Variants in RASSF9 observed in about 807,000 individuals in gnomAD.
RASSF9 encodes the protein Ras association domain family member 9.
A neutral mutation model predicts 21.4 loss-of-function variants in RASSF9; 18 were observed. That is an observed-to-expected ratio of 0.84 (90% CI 0.58 to 1.25). The LOEUF is 1.25. RASSF9 is among the 50% of genes most tolerant of loss of function. The pLI, the probability that RASSF9 is intolerant of heterozygous loss-of-function variation, is 0.00. For synonymous variants in RASSF9, 183 were observed against 179.1 expected, an observed-to-expected ratio of 1.02 and a Z score of -0.18; for missense variants, 480 against 503.2, an observed-to-expected ratio of 0.95 and a Z score of 0.44.
intron 1 of RASSF9, among the ~76,000 whole-genome samples, chr12:85,833,555 GTAAT>G (rs1880497932): frequency 6.6e-6 from 1 of 151,824 alleles, no homozygotes; most frequent in Non-Finnish European, 1.5e-5. Context: ...TCAATTTTGG[GTAAT>G]TAAATATCAC....
intron 1 of RASSF9, among the ~76,000 whole-genome samples, chr12:85,831,036 C>T (rs184742382): frequency 2.6e-5 from 4 of 152,156 alleles, no homozygotes; most frequent in African/African-American, 9.6e-5. Context: ...ATGCATGGTG[C>T]AGATATCATG....
intron 1 of RASSF9, among the ~76,000 whole-genome samples, chr12:85,833,805 A>T (rs73176583): frequency 0.056 from 8,498 of 152,078 alleles, 324 homozygotes; most frequent in Non-Finnish European, 0.079. Flanking sequence ...TTTACATTGT[A>T]CAATAAATTT....
chr12:85,816,848 C>G (rs1169592694), intron 1 of RASSF9, among the ~76,000 whole-genome samples: 2 of 152,072 alleles, frequency 1.3e-5, no homozygotes, highest in Non-Finnish European at 2.9e-5. Flanking sequence ...AAATAAGTTA[C>G]TGAGTCTTAT....
At chr12:85,824,836 C>T (rs1232670902) in intron 1 of RASSF9, among the ~76,000 whole-genome samples, 1 of 152,150 alleles carries the variant, frequency 6.6e-6, no homozygotes, top group East Asian at 1.9e-4. Flanking sequence ...TTTATTTTGA[C>T]TTCGAGCTTT....
At chr12:85,815,658 A>ATTTG (rs1880047960) in intron 1 of RASSF9, among the ~76,000 whole-genome samples, 4 of 151,992 alleles carry the variant, frequency 2.6e-5, no homozygotes, top group African/African-American at 9.7e-5. Flanking sequence ...ATGGTATCTC[A>ATTTG]CTGTTGTTTT....
At chr12:85,819,936 G>A (rs1880169854) in intron 1 of RASSF9, among the ~76,000 whole-genome samples, 1 of 152,120 alleles carries the variant, frequency 6.6e-6, no homozygotes, top group South Asian at 2.1e-4. Context: ...AGGATAACTG[G>A]TTCAGTTATT....
intron 1 of RASSF9, among the ~76,000 whole-genome samples, chr12:85,807,691 G>C (rs1398363122): frequency 6.6e-6 from 1 of 151,940 alleles, no homozygotes; most frequent in Non-Finnish European, 1.5e-5. Context: ...GTATATATGG[G>C]CTTGATAGTA....
intron 1 of RASSF9, among the ~76,000 whole-genome samples, chr12:85,822,111 T>G (rs1880225412): frequency 6.6e-6 from 1 of 152,344 alleles, no homozygotes; most frequent in African/African-American, 2.4e-5. Flanking sequence ...GCCTTAATGT[T>G]TAGTTTACTG....
At chr12:85,816,972 T>C (rs1163687754) in intron 1 of RASSF9, among the ~76,000 whole-genome samples, 2 of 152,160 alleles carry the variant, frequency 1.3e-5, no homozygotes, top group East Asian at 1.9e-4. Context: ...AGATGCCAAG[T>C]TCGGAAATAG....
chr12:85,819,003 A>T (rs1565754734), intron 1 of RASSF9, among the ~76,000 whole-genome samples: 1 of 151,190 alleles, frequency 6.6e-6, no homozygotes, highest in Non-Finnish European at 1.5e-5. Context: ...TTATTTTGTA[A>T]TTTCTGTGGT....
intron 1 of RASSF9, among the ~76,000 whole-genome samples, chr12:85,819,332 C>T (rs922917472): frequency 1.3e-5 from 2 of 151,968 alleles, no homozygotes; most frequent in African/African-American, 2.4e-5. Context: ...AGCCACAGTG[C>T]CTGGCCGCTT....
chr12:85,826,844 CA>C (rs1232624275), intron 1 of RASSF9, among the ~76,000 whole-genome samples: 4 of 152,004 alleles, frequency 2.6e-5, no homozygotes, highest in Admixed American at 6.6e-5. Context: ...TGGTTCCCAC[CA>C]CAATATAAAG....
chr12:85,833,241 C>G (rs188787119), intron 1 of RASSF9, among the ~76,000 whole-genome samples: 2 of 151,786 alleles, frequency 1.3e-5, no homozygotes, highest in South Asian at 4.1e-4. Flanking sequence ...CAGCTGATGT[C>G]ACATGATGAA....
chr12:85,803,284 C>A lies in RASSF9; in HGVS notation c.*1418G>T, dbSNP rs2136547379. 6.6e-6 allele frequency: 1 copy of A among 151,904 alleles called. No individual in the cohort carries two copies. Among genetic ancestry groups the A allele is most frequent in the East Asian group, 1.9e-4 (1 of 5,178 alleles). The allele number at this position is 151,904 out of a possible 1,614,324, so 9.4% of individuals were successfully genotyped here. On this transcript the variant is annotated 3_prime_UTR_variant, in exon 2 of 2. Transcript: ENST00000361228. Reference sequence around the variant, plus strand: ...GAGAAGAAATGAGAAGGATTGGGACCCTTAACCAATGTCCACATATTAAAA... The same window carrying A: ...GAGAAGAAATGAGAAGGATTGGGACACTTAACCAATGTCCACATATTAAAA...
chr12:85,827,933 G>A (rs961485167), intron 1 of RASSF9, among the ~76,000 whole-genome samples: 1 of 152,136 alleles, frequency 6.6e-6, no homozygotes, highest in Admixed American at 6.5e-5. Context: ...GAAAAACCTT[G>A]ATTATCTTTC....
At chr12:85,819,498 T>C (rs1003516096) in intron 1 of RASSF9, among the ~76,000 whole-genome samples, 2 of 152,236 alleles carry the variant, frequency 1.3e-5, no homozygotes, top group Non-Finnish European at 2.9e-5. Flanking sequence ...TAATGAACAC[T>C]TACTATGTGC....
At chr12:85,833,008 CT>C (rs1452547675) in intron 1 of RASSF9, among the ~76,000 whole-genome samples, 1 of 151,248 alleles carries the variant, frequency 6.6e-6, no homozygotes, top group Non-Finnish European at 1.5e-5. Context: ...GGCATACAAA[CT>C]TTTTAGGCTT....
chr12:85,813,685 A>G (rs1272915450), intron 1 of RASSF9, among the ~76,000 whole-genome samples: 1 of 151,900 alleles, frequency 6.6e-6, no homozygotes, highest in Non-Finnish European at 1.5e-5. Flanking sequence ...TATAGTAAAC[A>G]CTAAACTTTG....
In RASSF9 at chr12:85,804,980, T is replaced by G. The variant is rs762148101; in HGVS notation, c.1030A>C (p.Lys344Gln). ...ATCTGAAGCAATGAGTCACTGTATTTAATCTCTTTCTGGATGCCACTCAAA... is the reference window on the plus strand; with the variant it reads ...ATCTGAAGCAATGAGTCACTGTATTGAATCTCTTTCTGGATGCCACTCAAA... The part of the protein sequence containing the change: ...SHLSGIQKEI[K>Q]YSDSLLQMKA... The change falls in exon 2 of 2, where the codon AAA becomes CAA. Residue 344 changes from lysine (K) to glutamine (Q), a missense_variant. Lys to Gln is a moderately conservative substitution (Grantham distance 53). Transcript: ENST00000361228. 6.2e-7 allele frequency: 1 copy of G among 1,613,880 alleles called. No individual in the cohort carries two copies. Among genetic ancestry groups the G allele is most frequent in the South Asian group, 1.1e-5 (1 of 91,086 alleles).
Sources: allele counts gnomAD v4.1 joint callset (sites outside exome capture counted in the v4.1 genomes callset), GRCh38; gene constraint gnomAD v4.1.1; transcripts MANE v1.5; gene names NCBI Gene and HGNC (gene_info 2026-07-23, HGNC 2026-07-21).